PPM1B: variants seen among roughly 807,000 people sequenced by gnomAD.
The protein encoded by PPM1B is protein phosphatase 1B.
A neutral mutation model predicts 43.0 loss-of-function variants in PPM1B; 22 were observed. That is an observed-to-expected ratio of 0.51 (90% confidence interval 0.37 to 0.73). The LOEUF (loss-of-function observed/expected upper bound fraction) is 0.73. Ranked by LOEUF, PPM1B falls within the 30% of genes least tolerant of loss-of-function variation. PPM1B has a pLI of 0.00. For missense variants in PPM1B, 632 were observed against 584.2 expected, an observed-to-expected ratio of 1.08 and a Z score of -0.84; for synonymous variants, 217 against 197.9, an observed-to-expected ratio of 1.10 and a Z score of -0.81.
At chr2:44,243,507 TG>T (rs1230221739) in intron 5 of PPM1B, among the ~76,000 whole-genome samples, 1 of 152,204 alleles carries the variant, frequency 6.6e-6, no homozygotes, top group African/African-American at 2.4e-5. Flanking sequence ...ATTGGCCTTT[TG>T]AATATTTGTA....
intron 1 of PPM1B, among the ~76,000 whole-genome samples, chr2:44,186,986 C>A (rs1304057127): frequency 6.6e-6 from 1 of 152,236 alleles, no homozygotes; most frequent in Non-Finnish European, 1.5e-5. Context: ...GCATACACTG[C>A]AGTAGTGTTA....
chr2:44,189,691 C>T (rs1364255179), intron 1 of PPM1B, among the ~76,000 whole-genome samples: 1 of 152,166 alleles, frequency 6.6e-6, no homozygotes, highest in African/African-American at 2.4e-5. Flanking sequence ...TCTCGAACTC[C>T]TGACCTCAGT....
chr2:44,200,242 CTAGT>C (rs1213281270), intron 1 of PPM1B, among the ~76,000 whole-genome samples: 1 of 152,168 alleles, frequency 6.6e-6, no homozygotes, highest in East Asian at 1.9e-4. Context: ...CCAAGGTCAC[CTAGT>C]TAGAGTGTAG....
chr2:44,198,122 T>G (rs1360782751), intron 1 of PPM1B, among the ~76,000 whole-genome samples: 1 of 152,124 alleles, frequency 6.6e-6, no homozygotes, highest in Non-Finnish European at 1.5e-5. Flanking sequence ...GAGGAGAATT[T>G]TGAAGTATTT....
At chr2:44,203,685 C>T (rs1669044207) in intron 2 of PPM1B, among the ~76,000 whole-genome samples, 1 of 152,076 alleles carries the variant, frequency 6.6e-6, no homozygotes, top group Admixed American at 6.6e-5. Context: ...CCTTTTCCAA[C>T]AATATATTGT....
Position 44,218,497 on chromosome 2 carries a change from C to A in PPM1B, c.1094C>A (p.Ala365Asp). ...GLAGKRNVIEAVYSRLNPHRE... is the reference protein window; with the variant it reads ...GLAGKRNVIEDVYSRLNPHRE... Reference sequence around the variant, plus strand: ...TTTTTTAGGCGTAATGTTATTGAAGCTGTTTATAGTAGACTGAATCCACAT... The same window carrying A: ...TTTTTTAGGCGTAATGTTATTGAAGATGTTTATAGTAGACTGAATCCACAT... Residue 365 changes from alanine (A) to aspartate (D), a missense_variant, in exon 5 of 6, where the codon GCT becomes GAT. Physicochemically the swap from Ala to Asp is moderately radical, Grantham distance 126 (BLOSUM62 -2). Around this residue, in one of 3 missense-constraint regions of PPM1B, gnomAD observed 392 missense variants for 302.7 expected, o/e 1.29. Transcript: ENST00000282412. 1.9e-6 allele frequency: 3 copies of A among 1,581,652 alleles called. No homozygotes were observed. Among genetic ancestry groups the A allele is most frequent in the South Asian group, 2.4e-5 (2 of 84,632 alleles).
intron 5 of PPM1B, among the ~76,000 whole-genome samples, chr2:44,228,576 G>GTATATGTAATAGTC (rs1480250520): frequency 6.6e-6 from 1 of 152,144 alleles, no homozygotes; most frequent in Non-Finnish European, 1.5e-5. Flanking sequence ...TGTTGCAAAA[G>GTATATGTAATAGTC]TATATGTAAT....
intron 5 of PPM1B, chr2:44,230,080 A>G (rs907871212): frequency 6.6e-6 from 10 of 1,524,550 alleles, no homozygotes; most frequent in Admixed American, 4.8e-5. Flanking sequence ...GTACTAAATC[A>G]TATAGCCAAA....
intron 2 of PPM1B, among the ~76,000 whole-genome samples, chr2:44,204,242 CATTT>C (rs1424242616): frequency 6.6e-6 from 1 of 152,122 alleles, no homozygotes; most frequent in Non-Finnish European, 1.5e-5. Flanking sequence ...TTTGTCTTTC[CATTT>C]ATTTGTATTG....
chr2:44,183,614 A>G (rs1224750246), intron 1 of PPM1B, among the ~76,000 whole-genome samples: 1 of 152,216 alleles, frequency 6.6e-6, no homozygotes, highest in Non-Finnish European at 1.5e-5. Context: ...AAGTACATTG[A>G]AGGGCATACC....
chr2:44,171,820 ACT>A (rs1295081625), intron 1 of PPM1B, among the ~76,000 whole-genome samples: 2 of 114,492 alleles, frequency 1.7e-5, no homozygotes, highest in South Asian at 3.5e-4. Flanking sequence ...CCAGAGTAAG[ACT>A]CTGTCTCAAA....
At chr2:44,194,024 GTTTA>G (rs1056282809) in intron 1 of PPM1B, among the ~76,000 whole-genome samples, 24 of 152,052 alleles carry the variant, frequency 1.6e-4, no homozygotes, top group Admixed American at 5.9e-4. Flanking sequence ...GCCTGGTTTT[GTTTA>G]TTTGTTTGTT....
chr2:44,232,516 A>T (rs1670497560), downstream of PPM1B: 4 of 1,460,656 alleles, frequency 2.7e-6, no homozygotes, highest in African/African-American at 4.3e-5. Context: ...GTGTTTTCTG[A>T]CAGTTGCCAC....
chr2:44,241,007 T>A (rs1670732332), intron 5 of PPM1B, among the ~76,000 whole-genome samples: 1 of 65,916 alleles, frequency 1.5e-5, no homozygotes, highest in Admixed American at 1.2e-4. Context: ...TTTATTTTTA[T>A]TTTTTTTTTT....
intron 1 of PPM1B, among the ~76,000 whole-genome samples, chr2:44,195,145 G>T (rs748506461): frequency 6.6e-6 from 1 of 151,060 alleles, no homozygotes; most frequent in Non-Finnish European, 1.5e-5. Flanking sequence ...TGCCCGTCTC[G>T]GCCTCCCAAA....
intron 1 of PPM1B, among the ~76,000 whole-genome samples, chr2:44,197,875 C>G (rs948307236): frequency 1.3e-5 from 2 of 152,092 alleles, no homozygotes; most frequent in African/African-American, 4.8e-5. Context: ...ACATATAGAA[C>G]TCATTAAAAA....
At chr2:44,222,844 T>G (rs1353944434) in intron 5 of PPM1B, among the ~76,000 whole-genome samples, 2 of 152,232 alleles carry the variant, frequency 1.3e-5, no homozygotes, top group East Asian at 3.8e-4. Flanking sequence ...TCTATTTTAT[T>G]GATTGAGACA....
intron 2 of PPM1B, among the ~76,000 whole-genome samples, chr2:44,204,858 CAAAAAAA>C (rs368660082): frequency 0.11 from 3,862 of 36,626 alleles, 161 homozygotes; most frequent in African/African-American, 0.21. Context: ...GACTCCGTCT[CAAAAAAA>C]AAAAAAAAAA....
Position 44,230,619 on chromosome 2 carries a change from G to A in PPM1B, c.1341G>A (p.Val447=), listed in dbSNP as rs759655127. 1.2e-5 allele frequency: 20 copies of A among 1,614,038 alleles called. No homozygotes were observed. The East Asian group carries it at 4.0e-4, about 32-fold the overall frequency. The change falls in exon 6 of 6, where the codon GTG becomes GTA. Residue 447 remains valine (V), a synonymous_variant. Coordinates refer to ENST00000282412, the MANE Select transcript of PPM1B (RefSeq NM_002706.6). ...CGAACAGTGATGCTGGAAACCCAGT[G>A]ACAATGCAGGAAAGCCATACTGAAT... The part of the protein sequence containing the change: ...TSSNSDAGNP[V]TMQESHTESE...
Sources: allele counts gnomAD v4.1 joint callset (sites outside exome capture counted in the v4.1 genomes callset), GRCh38; gene constraint gnomAD v4.1.1; regional missense constraint gnomAD v4.1.1; transcripts MANE v1.5; gene names NCBI Gene and HGNC (gene_info 2026-07-23, HGNC 2026-07-21).